ULBP3: variants seen among roughly 807,000 people sequenced by gnomAD.
The protein encoded by ULBP3 is UL16-binding protein 3.
ULBP3 carries 25 observed loss-of-function variants against 24.9 expected under a neutral mutation model. That is an observed-to-expected ratio of 1.00 (90% CI 0.73 to 1.40). ULBP3 has a LOEUF of 1.40. Ranked by LOEUF, ULBP3 falls within the 40% of genes most tolerant of loss-of-function variation. The probability of loss-of-function intolerance (pLI) is 0.00; values close to 1 mark genes in which losing one functional copy is unlikely to be tolerated. For synonymous variants in ULBP3, 114 were observed against 114.7 expected (o/e 0.99, Z 0.04); for missense variants, 306 against 307.5 (o/e 1.00, Z 0.04).
chr6:150,063,462 G>C, intron 4 of ULBP3, 111 bp from the exon 5 acceptor site: 1 of 548,196 alleles, frequency 1.8e-6, no homozygotes, highest in Non-Finnish European at 2.3e-6. Context: ...CCCAGATAAG[G>C]AACATGTTTT....
intron 1 of ULBP3, among the ~76,000 whole-genome samples, chr6:150,067,310 C>T (rs528088194): frequency 1.3e-5 from 2 of 152,318 alleles, no homozygotes; most frequent in South Asian, 4.1e-4. Flanking sequence ...ACAGCAATTG[C>T]AATGACTCCT....
intron 2 of ULBP3, 48 bp downstream of exon 2, chr6:150,065,851 C>T (rs757073260): frequency 6.2e-7 from 1 of 1,608,314 alleles, no homozygotes; most frequent in South Asian, 1.1e-5. Flanking sequence ...CAGAACAGCC[C>T]CTGAGCCCAC....
At position 150,062,825 on chromosome 6, in the gene ULBP3, G is replaced by A. The variant is rs539247151; in HGVS notation, c.*549C>T. On this transcript the variant is annotated 3_prime_UTR_variant, in exon 5 of 5. Transcript: ENST00000367339. ...AAGGTGTTAAGAAAAATGGCTGGCC[G>A]GGCGCGGTGGCTCACGCCTGTAATC... Among the ~76,000 whole-genome samples, 169 of 152,230 alleles carry A rather than the reference G, an allele frequency of 1.1e-3. No individual in the cohort carries two copies. The highest frequency in any genetic ancestry group is 3.9e-3 in the African/African-American group (161 of 41,550).
At position 150,062,171 on chromosome 6, in the gene ULBP3, C is replaced by G. The variant is rs610025; in HGVS notation, c.*1203G>C. On this transcript the variant is annotated 3_prime_UTR_variant, in exon 5 of 5. Transcript: ENST00000367339. ...TTGCAAATAGTTTCCCCATTCTACA[C>G]GCTGTCTGTTTACCGTGTTGCTAGT... 0.86 allele frequency among the ~76,000 whole-genome samples: 131,655 copies of G among 152,214 alleles called. 57,099 individuals are homozygous for G. The highest frequency in any genetic ancestry group is 0.92 in the Middle Eastern group (270 of 294).
rs767643296 is a variant in ULBP3, at chr6:150,068,967, C to T, written c.88+12G>A. 3 of 1,599,932 alleles carry T rather than the reference C, an allele frequency of 1.9e-6. No individual in the cohort carries two copies. Among genetic ancestry groups the T allele is most frequent in the Admixed American group, 3.4e-5 (2 of 59,118 alleles). ...GGCCCCCGCCCCGCTTAGGCTCCAT[C>T]CCCGAACTCACCGGCCCGCCCCGTC... On this transcript the variant is annotated intron_variant, in intron 1 of 4. Coordinates refer to ENST00000367339, the MANE Select transcript of ULBP3 (RefSeq NM_024518.3).
rs895648352 is a variant in ULBP3, at chr6:150,068,915, C to T, written c.88+64G>A. On this transcript the variant is annotated intron_variant, in intron 1 of 4. Transcript: ENST00000367339. The stretch of plus-strand genomic sequence containing the variant: ...TAGAAGGCTTCCCTCCTCTGAAACC[C>T]GCTGCAGTCCACAGCCCCCCAGGTT... The T allele has an allele frequency of 1.0e-5, 15 of 1,484,134 alleles. No homozygotes were observed. In the African/African-American group the frequency reaches 1.9e-4, roughly 19 times the overall value. The allele number at this position is 1,484,134 out of a possible 1,614,324, so 91.9% of individuals were successfully genotyped here.
In ULBP3 at chr6:150,062,875, G is replaced by A. The variant is rs574869524; in HGVS notation, c.*499C>T. Among the ~76,000 whole-genome samples the A allele has an allele frequency of 6.6e-6, 1 of 152,190 alleles. No individual in the cohort carries two copies. Among genetic ancestry groups the A allele is most frequent in the African/African-American group, 2.4e-5 (1 of 41,540 alleles). On this transcript the variant is annotated 3_prime_UTR_variant, in exon 5 of 5. Transcript: ENST00000367339. ...CCCAGCACTCTGGGAGGCCGAGGCA[G>A]GTGGATCATGAGGTCAGGAGATCGA...
intron 1 of ULBP3, among the ~76,000 whole-genome samples, chr6:150,067,049 G>T (rs1250793828): frequency 6.6e-6 from 1 of 152,152 alleles, no homozygotes; most frequent in Admixed American, 6.5e-5. Context: ...GTCTTACAAA[G>T]CTATGCCCAT....
Position 150,062,572 on chromosome 6 carries a change from A to C in ULBP3, c.*802T>G, listed in dbSNP as rs1276266580. On this transcript the variant is annotated 3_prime_UTR_variant, in exon 5 of 5. Transcript: ENST00000367339. ...AATGTAAAAAAACTATAATGATAAA[A>C]AGGATTAATACAATTCTTGGTCAGT... 1.3e-5 allele frequency among the ~76,000 whole-genome samples: 2 copies of C among 152,184 alleles called. No homozygotes were observed. Among genetic ancestry groups the C allele is most frequent in the Non-Finnish European group, 2.9e-5 (2 of 68,030 alleles).
intron 1 of ULBP3, among the ~76,000 whole-genome samples, chr6:150,066,817 C>T (rs1283306022): frequency 6.6e-6 from 1 of 151,998 alleles, no homozygotes; most frequent in Non-Finnish European, 1.5e-5. Flanking sequence ...TAAAGAAGGC[C>T]CCAGGAGAAG....
rs1776281802 is a variant in ULBP3, at chr6:150,062,131, T to C, written c.*1243A>G. 2.6e-5 allele frequency among the ~76,000 whole-genome samples: 4 copies of C among 152,384 alleles called. No individual in the cohort carries two copies. Among genetic ancestry groups the C allele is most frequent in the South Asian group, 2.1e-4 (1 of 4,824 alleles). ...TTGTAGATTCTGGATATTGGACCTTTGTCAGATGCAGAGTTTGCAAATAGT... is the reference window on the plus strand; with the variant it reads ...TTGTAGATTCTGGATATTGGACCTTCGTCAGATGCAGAGTTTGCAAATAGT... On this transcript the variant is annotated 3_prime_UTR_variant, in exon 5 of 5. Coordinates refer to ENST00000367339, the MANE Select transcript of ULBP3 (RefSeq NM_024518.3).
Position 150,061,097 on chromosome 6 carries a change from C to T in ULBP3, c.*2277G>A, listed in dbSNP as rs1776269537. Among the ~76,000 whole-genome samples the T allele has an allele frequency of 6.6e-6, 1 of 151,276 alleles. No individual in the cohort carries two copies. Among genetic ancestry groups the T allele is most frequent in the Non-Finnish European group, 1.5e-5 (1 of 67,968 alleles). ...TTAATTTTAGGGTTTGGCACTTTCA[C>T]GTATAACTTTTATACAATTATCATC... On this transcript the variant is annotated 3_prime_UTR_variant, in exon 5 of 5. Transcript: ENST00000367339.
chr6:150,066,972 G>A (rs149102282), intron 1 of ULBP3, among the ~76,000 whole-genome samples: 158 of 152,234 alleles, frequency 1.0e-3, no homozygotes, highest in African/African-American at 3.8e-3. Flanking sequence ...GCCGTCAACT[G>A]TCAGCAGGAA....
intron 3 of ULBP3, 91 bp from the exon 4 acceptor site, chr6:150,064,804 G>A: frequency 4.4e-6 from 6 of 1,373,144 alleles, no homozygotes; most frequent in East Asian, 2.4e-5. Context: ...GGTCATCCGG[G>A]AAGGCAGAGG....
rs1776344166 is a variant in ULBP3, at chr6:150,066,157, G to C, written c.94C>G (p.His32Asp). The change falls in exon 2 of 5, where the codon CAC becomes GAC. Residue 32 changes from histidine (H) to aspartate (D), a missense_variant. Coordinates refer to ENST00000367339, the MANE Select transcript of ULBP3 (RefSeq NM_024518.3). ...DWSGTGRADA[H>D]SLWYNFTIIH... The stretch of plus-strand genomic sequence containing the variant: ...ATGGTGAAGTTATACCAGAGAGAGT[G>C]AGCGTCTAAGGAAAAAAAAAAAAAA... The C allele has an allele frequency of 6.2e-7, 1 of 1,612,516 alleles. No homozygotes were observed. The highest frequency in any genetic ancestry group is 1.3e-5 in the African/African-American group (1 of 74,840).
rs148802740 is a variant in ULBP3 at position 150,061,985 on chromosome 6, T to C, written c.*1389A>G. Among the ~76,000 whole-genome samples, 3 of 152,362 alleles carry C rather than the reference T, an allele frequency of 2.0e-5. No individual in the cohort carries two copies. The highest frequency in any genetic ancestry group is 1.9e-4 in the East Asian group (1 of 5,190). On this transcript the variant is annotated 3_prime_UTR_variant, in exon 5 of 5. Coordinates refer to ENST00000367339, the MANE Select transcript of ULBP3 (RefSeq NM_024518.3). ...TGCACTTATCTGATGATTAGTGATATTGAGCATTTTTTCACGTTTGTTGGC... is the reference window on the plus strand; with the variant it reads ...TGCACTTATCTGATGATTAGTGATACTGAGCATTTTTTCACGTTTGTTGGC...
intron 3 of ULBP3, among the ~76,000 whole-genome samples, chr6:150,065,126 T>C (rs945194): frequency 0.88 from 133,992 of 152,088 alleles, 59,234 homozygotes; most frequent in Middle Eastern, 0.92. Flanking sequence ...CCCACAGTTT[T>C]GAGGCTGGTG....
At chr6:150,064,018 C>G (rs1402489955) in intron 4 of ULBP3, among the ~76,000 whole-genome samples, 1 of 152,200 alleles carries the variant, frequency 6.6e-6, no homozygotes, top group Non-Finnish European at 1.5e-5. Context: ...TCATCCTGGA[C>G]ACGCTCTACT....
intron 1 of ULBP3, among the ~76,000 whole-genome samples, chr6:150,068,138 C>T (rs984231567): frequency 1.3e-5 from 2 of 152,124 alleles, no homozygotes; most frequent in South Asian, 4.1e-4. Context: ...CACCACATGG[C>T]TACACCCCCC....
Sources: gnomAD v4.1 joint callset for allele counts (sites outside exome capture counted in the v4.1 genomes callset) on GRCh38, gnomAD v4.1.1 for gene constraint, MANE v1.5 for transcripts, NCBI Gene and HGNC (gene_info 2026-07-23, HGNC 2026-07-21) for gene names.